The following OR4D2 variants were observed in gnomAD, a reference collection of about 807,000 sequenced individuals.
OR4D2 encodes the protein olfactory receptor 4D2.
A neutral mutation model predicts 12.4 loss-of-function variants in OR4D2; 9 were observed. That is an observed-to-expected ratio of 0.73 (90% CI 0.44 to 1.27). The LOEUF (loss-of-function observed/expected upper bound fraction) is 1.27, where lower values mean the gene tolerates loss of function less well. Ranked by LOEUF, OR4D2 falls within the 50% of genes most tolerant of loss-of-function variation. OR4D2 has a pLI of 0.00. For synonymous variants in OR4D2, 151 were observed against 151.1 expected (o/e 1.00, Z 0.01); for missense variants, 373 against 381.6 (o/e 0.98, Z 0.19).
chr17:58,170,021 C>T lies in OR4D2; in HGVS notation c.366C>T (p.Arg122=). The T allele has an allele frequency of 2.5e-6, 4 of 1,614,124 alleles. No homozygotes were observed. Among genetic ancestry groups the T allele is most frequent in the Non-Finnish European group, 3.4e-6 (4 of 1,180,032 alleles). The part of the protein sequence containing the change: ...VFFLSVMAFD[R]LIAISRPLRY... ...TCCTCTCAGTGATGGCCTTTGACCG[C>T]CTCATTGCCATCTCCCGGCCCCTCC... The change falls in exon 2 of 2, where the codon CGC becomes CGT. Residue 122 remains arginine, a synonymous_variant. Transcript: ENST00000545221.
intron 1 of OR4D2, among the ~76,000 whole-genome samples, chr17:58,169,020 G>T (rs1346997281): frequency 6.6e-6 from 1 of 152,184 alleles, no homozygotes; most frequent in African/African-American, 2.4e-5. Flanking sequence ...ATAGGCTTTG[G>T]ACTTAATAGT....
rs1475140079 is a variant in OR4D2, at chr17:58,169,904, G to T, written c.249G>T (p.Val83=). The change falls in exon 2 of 2, where the codon GTG becomes GTT. Residue 83 remains valine, a synonymous_variant. Coordinates refer to ENST00000545221, the MANE Select transcript of OR4D2 (RefSeq NM_001004707.4). ...CAGTCACTGCTCCCAAAATGCTAGT[G>T]GACCTCCTCTCTGAGAAGAAAACCA... ...FSSVTAPKML[V]DLLSEKKTIS... is the part of the protein sequence containing the mutation. The T allele has an allele frequency of 6.2e-7, 1 of 1,614,084 alleles. No homozygotes were observed. The highest frequency in any genetic ancestry group is 1.1e-5 in the South Asian group (1 of 91,072).
intron 1 of OR4D2, among the ~76,000 whole-genome samples, chr17:58,168,306 C>T (rs989880863): frequency 1.1e-4 from 16 of 152,034 alleles, no homozygotes; most frequent in South Asian, 4.2e-4. Flanking sequence ...CAGCTTCAAG[C>T]GATTCTCCTG....
chr17:58,169,400 C>T (rs952274816), intron 1 of OR4D2: 10 of 530,868 alleles, frequency 1.9e-5, no homozygotes, highest in Non-Finnish European at 2.7e-5. Flanking sequence ...TGTCTTCCCA[C>T]CACTATATGA....
intron 1 of OR4D2, among the ~76,000 whole-genome samples, chr17:58,168,262 A>G (rs1967915050): frequency 6.6e-6 from 1 of 151,488 alleles, no homozygotes; most frequent in South Asian, 2.1e-4. Context: ...GCTGGAGTGC[A>G]GTGGCATGAC....
chr17:58,168,749 A>G (rs1967922737), intron 1 of OR4D2, among the ~76,000 whole-genome samples: 1 of 152,118 alleles, frequency 6.6e-6, no homozygotes, highest in African/African-American at 2.4e-5. Context: ...TCTATTTCTC[A>G]ATCCAATGAC....
rs1967956588 is a variant in OR4D2, at chr17:58,170,751, G to T, written c.*172G>T. 5 of 621,198 alleles carry T rather than the reference G, an allele frequency of 8.0e-6. No individual in the cohort carries two copies. The highest frequency in any genetic ancestry group is 1.4e-5 in the Non-Finnish European group (5 of 349,674). The allele number at this position is 621,198 out of a possible 1,614,324, so 38.5% of individuals were successfully genotyped here. ...GAAAAAAGAAAGTATCCTCTTTGGTGGTTAAGGTTTGTGATAAAGAGTTTT... is the reference window on the plus strand; with the variant it reads ...GAAAAAAGAAAGTATCCTCTTTGGTTGTTAAGGTTTGTGATAAAGAGTTTT... On this transcript the variant is annotated 3_prime_UTR_variant, in exon 2 of 2. Transcript: ENST00000545221.
rs1295773685 is a variant in OR4D2 at position 58,169,764 on chromosome 17, A to G, written c.109A>G (p.Thr37Ala). Residue 37 changes from threonine to alanine, a missense_variant, in exon 2 of 2, where the codon ACC becomes GCC. By Grantham distance (58) the Thr-to-Ala change is moderately conservative. Coordinates refer to ENST00000545221, the MANE Select transcript of OR4D2 (RefSeq NM_001004707.4). ...LFLMFLFVYITTVMGNILIII... is the reference protein window; with the variant it reads ...LFLMFLFVYIATVMGNILIII... ...TCTAATGTTCCTGTTTGTCTACATC[A>G]CCACTGTTATGGGAAACATCCTTAT... 1.9e-6 allele frequency: 3 copies of G among 1,613,814 alleles called. No homozygotes were observed. The South Asian group carries it at 3.3e-5, about 18-fold the overall frequency.
rs1967940629 is a variant in OR4D2, at chr17:58,169,985, C to T, written c.330C>T (p.Ala110=). 6 of 1,613,948 alleles carry T rather than the reference C, an allele frequency of 3.7e-6. No individual in the cohort carries two copies. Among genetic ancestry groups the T allele is most frequent in the Admixed American group, 1.7e-5 (1 of 59,990 alleles). ...TCTTCTTCCACTTTTTGGGAGGTGC[C>T]ATGGTCTTCTTCCTCTCAGTGATGG... ...QIFFFHFLGG[A]MVFFLSVMAF... is the part of the protein sequence containing the mutation. The change falls in exon 2 of 2, where the codon GCC becomes GCT. Residue 110 remains alanine (A), a synonymous_variant. Transcript: ENST00000545221.
At position 58,170,276 on chromosome 17, in the gene OR4D2, T is replaced by C. The variant is rs1416571936; in HGVS notation, c.621T>C (p.Asp207=). ...AGATCTCCAACAGTGGGCTGCTGGA[T>C]GTCGTCTGGTTCTTCCTCCTCCTGA... ...FLKISNSGLL[D]VVWFFLLLMS... is the part of the protein sequence containing the mutation. The change falls in exon 2 of 2, where the codon GAT becomes GAC. Residue 207 remains aspartate (D), a synonymous_variant. Transcript: ENST00000545221. 9 of 1,614,066 alleles carry C rather than the reference T, an allele frequency of 5.6e-6. No individual in the cohort carries two copies. In the South Asian group the frequency reaches 7.7e-5, roughly 14 times the overall value.
intron 1 of OR4D2, among the ~76,000 whole-genome samples, chr17:58,169,118 CT>C (rs1567782210): frequency 1.3e-5 from 2 of 152,168 alleles, no homozygotes; most frequent in Admixed American, 1.3e-4. Flanking sequence ...GGCAAAGAAT[CT>C]TATTACAGAG....
Position 58,170,894 on chromosome 17 carries a change from T to G in OR4D2, c.*315T>G, listed in dbSNP as rs1167535212. The G allele has an allele frequency of 5.4e-6, 2 of 369,428 alleles. No individual in the cohort carries two copies. The highest frequency in any genetic ancestry group is 2.4e-5 in the South Asian group (1 of 42,422). The allele number at this position is 369,428 out of a possible 1,614,324, so 22.9% of individuals were successfully genotyped here. A position where few individuals can be genotyped will look rare whatever the true frequency, so the allele number is the denominator to read the frequency against. The stretch of plus-strand genomic sequence containing the variant: ...ATTTCCCCTGTGCGAACATTTCTAT[T>G]TTCCGTATTTTGAGCTCTCTTCCCA... On this transcript the variant is annotated 3_prime_UTR_variant, in exon 2 of 2. Coordinates refer to ENST00000545221, the MANE Select transcript of OR4D2 (RefSeq NM_001004707.4).
At chr17:58,168,164 C>T (rs1004708593) in intron 1 of OR4D2, among the ~76,000 whole-genome samples, 1 of 151,104 alleles carries the variant, frequency 6.6e-6, no homozygotes, top group Non-Finnish European at 1.5e-5. Context: ...GGGGAGACCA[C>T]TGACCCCCTC....
Position 58,170,494 on chromosome 17 carries a change from C to T in OR4D2, c.839C>T (p.Pro280Leu), listed in dbSNP as rs943622252. The change falls in exon 2 of 2, where the codon CCC becomes CTC. Residue 280 changes from proline (P) to leucine (L), a missense_variant. Coordinates refer to ENST00000545221, the MANE Select transcript of OR4D2 (RefSeq NM_001004707.4). Reference sequence around the variant, plus strand: ...TCCATCGGCCACACAGTCATGACCCCCATGCTCAACCCCATGATCTATACC... The same window carrying T: ...TCCATCGGCCACACAGTCATGACCCTCATGCTCAACCCCATGATCTATACC... Reference protein sequence around the residue: ...LVSIGHTVMTPMLNPMIYTLR... With the variant: ...LVSIGHTVMTLMLNPMIYTLR... 1.9e-6 allele frequency: 3 copies of T among 1,614,184 alleles called. No individual in the cohort carries two copies. Among genetic ancestry groups the T allele is most frequent in the East Asian group, 2.2e-5 (1 of 44,874 alleles).
intron 1 of OR4D2, among the ~76,000 whole-genome samples, chr17:58,168,849 T>C (rs1026166986): frequency 1.3e-5 from 2 of 152,218 alleles, no homozygotes; most frequent in African/African-American, 4.8e-5. Flanking sequence ...GGGGAACTAC[T>C]GGATGTCTCA....
At chr17:58,169,464 T>C (rs1967930691) in intron 1 of OR4D2, 174 bp from the exon 2 acceptor site, 1 of 608,626 alleles carries the variant, frequency 1.6e-6, no homozygotes, top group Admixed American at 2.9e-5. Context: ...ATTTCAGGAA[T>C]GTATATTCCA....
intron 1 of OR4D2, among the ~76,000 whole-genome samples, chr17:58,169,080 T>C (rs1160502561): frequency 2.0e-5 from 3 of 152,218 alleles, no homozygotes; most frequent in African/African-American, 7.2e-5. Flanking sequence ...AACACGATGA[T>C]GTATTAAATG....
rs762501369 is a variant in OR4D2 at position 58,170,535 on chromosome 17, A to G, written c.880A>G (p.Met294Val). The G allele has an allele frequency of 3.7e-5, 60 of 1,614,066 alleles. No homozygotes were observed. The highest frequency in any genetic ancestry group is 4.7e-5 in the Non-Finnish European group (55 of 1,180,022). Residue 294 changes from methionine (M) to valine (V), a missense_variant, in exon 2 of 2, where the codon ATG becomes GTG. Coordinates refer to ENST00000545221, the MANE Select transcript of OR4D2 (RefSeq NM_001004707.4). ...GATCTATACCCTGAGGAACCAGGAC[A>G]TGCAGGCAGCAGTGAGAAGATTAGG... ...PMIYTLRNQD[M>V]QAAVRRLGRH... is the part of the protein sequence containing the mutation.
chr17:58,169,971 T>A lies in OR4D2; in HGVS notation c.316T>A (p.Phe106Ile), dbSNP rs769553511. Residue 106 changes from phenylalanine to isoleucine, a missense_variant, in exon 2 of 2, where the codon TTT becomes ATT. Coordinates refer to ENST00000545221, the MANE Select transcript of OR4D2 (RefSeq NM_001004707.4). ...GCMGQIFFFH[F>I]LGGAMVFFLS... ...CATGGGTCAGATCTTCTTCTTCCAC[T>A]TTTTGGGAGGTGCCATGGTCTTCTT... 25 of 1,613,930 alleles carry A rather than the reference T, an allele frequency of 1.5e-5. No homozygotes were observed. Among genetic ancestry groups the A allele is most frequent in the African/African-American group, 6.7e-5 (5 of 74,918 alleles).
Sources: gnomAD v4.1 joint callset for allele counts (sites outside exome capture counted in the v4.1 genomes callset) on GRCh38, gnomAD v4.1.1 for gene constraint, MANE v1.5 for transcripts, NCBI Gene and HGNC (gene_info 2026-07-23, HGNC 2026-07-21) for gene names.